The following CPQ variants were observed in gnomAD, a reference collection of about 807,000 sequenced individuals.
The protein encoded by CPQ is carboxypeptidase Q, also known as Ser-Met dipeptidase.
Under a neutral mutation model 45.7 loss-of-function variants are expected in CPQ, and 37 were observed. The observed-to-expected ratio is 0.81, with a 90% CI of 0.62 to 1.07. CPQ has a LOEUF of 1.07. Ranked by LOEUF, CPQ falls within the 50% of genes least tolerant of loss-of-function variation. CPQ has a pLI of 0.00. For missense variants in CPQ, 537 were observed against 572.9 expected (o/e 0.94, Z 0.64); for synonymous variants, 186 against 205.8 (o/e 0.90, Z 0.82).
Position 96,966,024 on chromosome 8 carries a change from AC to A in CPQ, c.940del (p.Leu314SerfsTer39). 1 of 1,612,312 alleles carries A rather than the reference AC, an allele frequency of 6.2e-7. No homozygotes were observed. The highest frequency in any genetic ancestry group is 8.5e-7 in the Non-Finnish European group (1 of 1,179,080). On this transcript the variant is annotated frameshift_variant, in exon 5 of 8. Transcript: ENST00000220763. LOFTEE classifies it high-confidence loss of function. The stretch of plus-strand genomic sequence containing the variant: ...GTGGAGCCTTTATATCATGGGAAGC[AC>A]TCTCACTTATTAAAGATCTTGGTAA... The part of the protein sequence containing the change: ...GGGAFISWEA[L>X]SLIKDLGLRP...
chr8:96,857,170 G>A (rs1011270044), intron 3 of CPQ, among the ~76,000 whole-genome samples: 2 of 152,140 alleles, frequency 1.3e-5, no homozygotes, highest in Non-Finnish European at 2.9e-5. Flanking sequence ...AGCCACACAC[G>A]GCCTTGCTGC....
rs1813488678 is a variant in CPQ at position 96,963,045 on chromosome 8, T to A, written c.850-2890T>A. Reference sequence around the variant, plus strand: ...TTCAAAAACCATCTTTCCAATTTTTTAACTACCAGTTTAAGTAACAGTAAG... The same window carrying A: ...TTCAAAAACCATCTTTCCAATTTTTAAACTACCAGTTTAAGTAACAGTAAG... On this transcript the variant is annotated intron_variant, in intron 4 of 7. Coordinates refer to ENST00000220763, the MANE Select transcript of CPQ (RefSeq NM_016134.4). Among the ~76,000 whole-genome samples, 5 of 152,236 alleles carry A rather than the reference T, an allele frequency of 3.3e-5. No homozygotes were observed. The South Asian group carries it at 1.0e-3, about 32-fold the overall frequency.
At chr8:96,978,690 G>A (rs1307535403) in intron 5 of CPQ, among the ~76,000 whole-genome samples, 6 of 152,232 alleles carry the variant, frequency 3.9e-5, no homozygotes, top group Middle Eastern at 3.4e-3. Flanking sequence ...TAAAGGAAGC[G>A]GAAGCTTAAG....
In CPQ at chr8:96,790,436, C is replaced by T. The variant is rs146871571; in HGVS notation, c.433+5106C>T. On this transcript the variant is annotated intron_variant, in intron 2 of 7. Transcript: ENST00000220763. ...TGATGGCTACTTAGGGTAGAGTTTC[C>T]ACCCTATGAGTAGGACTTGGGTAGA... is the stretch of plus-strand genomic sequence containing the variant. Among the ~76,000 whole-genome samples, 435 of 152,190 alleles carry T rather than the reference C, an allele frequency of 2.9e-3. 3 individuals carry two copies. The highest frequency in any genetic ancestry group is 2.4e-3 in the Non-Finnish European group (162 of 67,988).
chr8:97,083,656 T>C (rs1810994684), intron 7 of CPQ, among the ~76,000 whole-genome samples: 2 of 152,134 alleles, frequency 1.3e-5, no homozygotes, highest in South Asian at 2.1e-4. Context: ...CCAAAGTAAA[T>C]TGATTGATTA....
intron 7 of CPQ, among the ~76,000 whole-genome samples, chr8:97,106,183 GTGTT>G (rs1811400991): frequency 1.3e-5 from 2 of 152,222 alleles, no homozygotes; most frequent in Non-Finnish European, 2.9e-5. Flanking sequence ...GAGAATGAAT[GTGTT>G]TGTAAAATCA....
chr8:97,080,996 G>A (rs1474207737), intron 7 of CPQ, among the ~76,000 whole-genome samples: 5 of 148,264 alleles, frequency 3.4e-5, no homozygotes, highest in African/African-American at 1.2e-4. Flanking sequence ...TTACTGTCAT[G>A]TAAGAGAATA....
rs144808519 is a variant in CPQ, at chr8:96,720,307, T to C, written c.-34-64557T>C. On this transcript the variant is annotated intron_variant, in intron 1 of 7. Coordinates refer to ENST00000220763, the MANE Select transcript of CPQ (RefSeq NM_016134.4). ...AAACTGTGGATCACGTGTTCCTTTTTTCTTTGTGGATCTAGTCATTTTTTT... is the reference window on the plus strand; with the variant it reads ...AAACTGTGGATCACGTGTTCCTTTTCTCTTTGTGGATCTAGTCATTTTTTT... Among the ~76,000 whole-genome samples, 15 of 152,370 alleles carry C rather than the reference T, an allele frequency of 9.8e-5. No homozygotes were observed. The East Asian group carries it at 2.9e-3, about 29-fold the overall frequency.
chr8:96,752,594 C>G lies in CPQ; in HGVS notation c.-34-32270C>G, dbSNP rs538929959. ...GCAAACAAAGATAATTTGACTTCCT[C>G]TCCTCCTATTTCAGTAATCTTTATT... On this transcript the variant is annotated intron_variant, in intron 1 of 7. Transcript: ENST00000220763. Among the ~76,000 whole-genome samples, 15 of 152,256 alleles carry G rather than the reference C, an allele frequency of 9.9e-5. No individual in the cohort carries two copies. In the East Asian group the frequency reaches 2.7e-3, roughly 27 times the overall value.
intron 6 of CPQ, among the ~76,000 whole-genome samples, chr8:97,047,631 C>T (rs772077595): frequency 1.3e-5 from 2 of 152,140 alleles, no homozygotes; most frequent in Non-Finnish European, 2.9e-5. Context: ...AATCCTGCTA[C>T]AATGAGTTTT....
intron 1 of CPQ, among the ~76,000 whole-genome samples, chr8:96,695,610 C>T (rs1245181844): frequency 6.6e-6 from 1 of 151,904 alleles, no homozygotes; most frequent in Non-Finnish European, 1.5e-5. Flanking sequence ...AACAAACAAC[C>T]CCATCAAAAA....
At chr8:96,670,722 G>A (rs1378285190) in intron 1 of CPQ, among the ~76,000 whole-genome samples, 1 of 152,060 alleles carries the variant, frequency 6.6e-6, no homozygotes, top group East Asian at 1.9e-4. Flanking sequence ...ATTTATATAG[G>A]CAATGACCTG....
chr8:97,055,333 C>T (rs1810435576), intron 6 of CPQ, among the ~76,000 whole-genome samples: 1 of 152,198 alleles, frequency 6.6e-6, no homozygotes, highest in Non-Finnish European at 1.5e-5. Context: ...GGTTGCACCA[C>T]CTTTCCTTCA....
Position 97,078,710 on chromosome 8 carries a change from A to C in CPQ, c.1255+12500A>C, listed in dbSNP as rs188919517. On this transcript the variant is annotated intron_variant, in intron 7 of 7. Coordinates refer to ENST00000220763, the MANE Select transcript of CPQ (RefSeq NM_016134.4). Reference sequence around the variant, plus strand: ...TATGTATATTCTACTAGAGATGTACAAATTTCTGTTAACCTATGATGCATA... The same window carrying C: ...TATGTATATTCTACTAGAGATGTACCAATTTCTGTTAACCTATGATGCATA... Among the ~76,000 whole-genome samples, 108 of 151,836 alleles carry C rather than the reference A, an allele frequency of 7.1e-4. 1 individual carries two copies. The East Asian group carries it at 0.016, about 22-fold the overall frequency.
At chr8:96,966,527 C>G (rs1192445294) in intron 5 of CPQ, among the ~76,000 whole-genome samples, 2 of 152,174 alleles carry the variant, frequency 1.3e-5, no homozygotes, top group Non-Finnish European at 2.9e-5. Flanking sequence ...TTCTTTGTTG[C>G]AAGGTCTGTC....
intron 1 of CPQ, among the ~76,000 whole-genome samples, chr8:96,687,610 T>C (rs1280425531): frequency 6.6e-6 from 1 of 152,138 alleles, no homozygotes; most frequent in East Asian, 1.9e-4. Flanking sequence ...TGAGTGCTTA[T>C]ATTATCTCTT....
intron 5 of CPQ, among the ~76,000 whole-genome samples, chr8:96,973,873 T>C (rs1190283292): frequency 6.6e-6 from 1 of 152,216 alleles, no homozygotes; most frequent in East Asian, 1.9e-4. Flanking sequence ...AAAGGAGCTC[T>C]AAATCTTGAA....
intron 2 of CPQ, among the ~76,000 whole-genome samples, chr8:96,806,505 AT>A (rs1186101160): frequency 7.9e-5 from 12 of 152,182 alleles, no homozygotes; most frequent in African/African-American, 2.7e-4. Context: ...ATATGAAATT[AT>A]TATTAAGGAA....
intron 1 of CPQ, among the ~76,000 whole-genome samples, chr8:96,744,077 C>G (rs1470962934): frequency 1.3e-5 from 2 of 152,264 alleles, no homozygotes; most frequent in Non-Finnish European, 2.9e-5. Flanking sequence ...CCCCCAGCCT[C>G]ACTGCCACCT....
Sources: gnomAD v4.1 joint callset for allele counts (sites outside exome capture counted in the v4.1 genomes callset) on GRCh38, gnomAD v4.1.1 for gene constraint, MANE v1.5 for transcripts, NCBI Gene and HGNC (gene_info 2026-07-23, HGNC 2026-07-21) for gene names.